CDK8: variants seen among roughly 807,000 people sequenced by gnomAD.
The protein encoded by CDK8 is cyclin-dependent kinase 8.
CDK8 carries 29 observed loss-of-function variants against 71.5 expected under a neutral mutation model. That is an observed-to-expected ratio of 0.41 (90% CI 0.30 to 0.55). The LOEUF is 0.55. CDK8 is among the 20% of genes least tolerant of loss of function. The pLI, the probability that CDK8 is intolerant of heterozygous loss-of-function variation, is 0.37. For synonymous variants in CDK8, 161 were observed against 192.1 expected, an observed-to-expected ratio of 0.84 and a Z score of 1.34; for missense variants, 288 against 572.6, an observed-to-expected ratio of 0.50 and a Z score of 5.07.
chr13:26,290,567 C>G (rs896299486), intron 1 of CDK8, among the ~76,000 whole-genome samples: 1 of 152,142 alleles, frequency 6.6e-6, no homozygotes, highest in Non-Finnish European at 1.5e-5. Flanking sequence ...ACACACACCC[C>G]TTTCAAACCC....
At chr13:26,312,559 C>T (rs1158711042) in intron 1 of CDK8, among the ~76,000 whole-genome samples, 3 of 152,054 alleles carry the variant, frequency 2.0e-5, no homozygotes, top group East Asian at 1.9e-4. Context: ...AGCAAGACCA[C>T]GAACCCTCCG....
At chr13:26,376,765 T>A (rs1400831066) in intron 4 of CDK8, among the ~76,000 whole-genome samples, 1 of 152,076 alleles carries the variant, frequency 6.6e-6, no homozygotes, top group African/African-American at 2.4e-5. Flanking sequence ...TTTTGTAATT[T>A]AAAAACTCAA....
chr13:26,355,372 T>C (rs1873849037), intron 4 of CDK8, among the ~76,000 whole-genome samples: 1 of 152,166 alleles, frequency 6.6e-6, no homozygotes, highest in African/African-American at 2.4e-5. Flanking sequence ...TCCCAGCACT[T>C]TGGGAGGCCA....
intron 1 of CDK8, among the ~76,000 whole-genome samples, chr13:26,311,535 T>C (rs1009972093): frequency 1.3e-5 from 2 of 152,208 alleles, no homozygotes; most frequent in Non-Finnish European, 2.9e-5. Context: ...AGTACCTCAT[T>C]GATGTCACTA....
At chr13:26,336,789 C>T (rs533806206) in intron 1 of CDK8, among the ~76,000 whole-genome samples, 280 of 152,100 alleles carry the variant, frequency 1.8e-3, no homozygotes, top group African/African-American at 6.5e-3. Flanking sequence ...CTCCTGACCT[C>T]GTGATCTGCC....
chr13:26,368,401 A>T (rs1874492667), intron 4 of CDK8, among the ~76,000 whole-genome samples: 1 of 152,174 alleles, frequency 6.6e-6, no homozygotes, highest in Admixed American at 6.5e-5. Context: ...TGGGAGACTG[A>T]TATATTCAAA....
chr13:26,348,031 T>C (rs1216250500), intron 2 of CDK8, among the ~76,000 whole-genome samples: 1 of 151,784 alleles, frequency 6.6e-6, no homozygotes. Context: ...GTGAAAACAA[T>C]CCATGAACAT....
At chr13:26,291,226 C>G (rs545749375) in intron 1 of CDK8, among the ~76,000 whole-genome samples, 5 of 152,118 alleles carry the variant, frequency 3.3e-5, no homozygotes, top group East Asian at 1.9e-4. Context: ...GAACAATGAG[C>G]TATATCATAT....
At chr13:26,258,945 A>C (rs1465732836) in intron 1 of CDK8, among the ~76,000 whole-genome samples, 1 of 152,054 alleles carries the variant, frequency 6.6e-6, no homozygotes, top group Non-Finnish European at 1.5e-5. Flanking sequence ...TTTATCTCTT[A>C]AGATATTGAG....
chr13:26,391,001 TAA>T (rs199698945), intron 6 of CDK8, among the ~76,000 whole-genome samples: 9 of 121,648 alleles, frequency 7.4e-5, no homozygotes, highest in East Asian at 2.3e-4. Flanking sequence ...GGGCACAATC[TAA>T]AAAAAAAAAA....
intron 1 of CDK8, among the ~76,000 whole-genome samples, chr13:26,286,047 G>A (rs1287252058): frequency 1.3e-5 from 2 of 152,296 alleles, no homozygotes; most frequent in East Asian, 1.9e-4. Context: ...CAAGCTCTTG[G>A]ATGGGTAGAA....
intron 2 of CDK8, among the ~76,000 whole-genome samples, chr13:26,347,808 G>A (rs1565981038): frequency 6.6e-6 from 1 of 152,118 alleles, no homozygotes; most frequent in Non-Finnish European, 1.5e-5. Context: ...GTGTTGGTGA[G>A]GATATGAAGA....
At chr13:26,351,638 C>A (rs934597543) in intron 3 of CDK8, among the ~76,000 whole-genome samples, 1 of 152,124 alleles carries the variant, frequency 6.6e-6, no homozygotes, top group Non-Finnish European at 1.5e-5. Flanking sequence ...GATTATACTT[C>A]AGCAAATTTT....
intron 1 of CDK8, among the ~76,000 whole-genome samples, chr13:26,321,475 C>T (rs1874772870): frequency 6.6e-6 from 1 of 151,804 alleles, no homozygotes. Flanking sequence ...TGGTTGTACA[C>T]ATTATAAAGG....
chr13:26,363,309 C>A (rs1257481211), intron 4 of CDK8, among the ~76,000 whole-genome samples: 14 of 90,614 alleles, frequency 1.5e-4, no homozygotes, highest in Non-Finnish European at 2.6e-4. Flanking sequence ...GCCTGGGTGA[C>A]AGAGCAAGAC....
intron 1 of CDK8, among the ~76,000 whole-genome samples, chr13:26,260,936 TTC>T (rs1048737270): frequency 2.0e-5 from 3 of 152,212 alleles, no homozygotes; most frequent in Admixed American, 2.0e-4. Flanking sequence ...TTGACTCTTT[TTC>T]TGTTCTTAGC....
At chr13:26,307,670 T>G (rs1031941857) in intron 1 of CDK8, among the ~76,000 whole-genome samples, 3 of 152,332 alleles carry the variant, frequency 2.0e-5, no homozygotes, top group African/African-American at 7.2e-5. Context: ...CCTTCCCTGA[T>G]CAGTGTAGAC....
chr13:26,286,567 A>G (rs1434473662), intron 1 of CDK8, among the ~76,000 whole-genome samples: 1 of 152,246 alleles, frequency 6.6e-6, no homozygotes, highest in Non-Finnish European at 1.5e-5. Context: ...ATTCTAGAAG[A>G]TAACATCGGA....
At position 26,366,927 on chromosome 13, in the gene CDK8, A is replaced by C. The variant is rs1565987829; in HGVS notation, c.456+13047A>C. Among the ~76,000 whole-genome samples the C allele has an allele frequency of 4.6e-5, 7 of 152,340 alleles. 1 individual carries two copies. The South Asian group carries it at 1.4e-3, about 32-fold the overall frequency. ...CCTTAAAGTTGGAAGGCATCTTAGC[A>C]GCAACAGACTATTCCAGTCTCTTAG... On this transcript the variant is annotated intron_variant, in intron 4 of 12. Transcript: ENST00000381527.
Sources: gnomAD v4.1 joint callset for allele counts (sites outside exome capture counted in the v4.1 genomes callset) on GRCh38, gnomAD v4.1.1 for gene constraint, MANE v1.5 for transcripts, NCBI Gene and HGNC (gene_info 2026-07-23, HGNC 2026-07-21) for gene names.